The following TAMM41 variants were observed in gnomAD, a reference collection of about 807,000 sequenced individuals.
TAMM41 encodes the protein phosphatidate cytidylyltransferase, mitochondrial.
Under a neutral mutation model 44.1 loss-of-function variants are expected in TAMM41, and 36 were observed. The ratio of observed to expected loss-of-function variants is 0.82; its 90% CI spans 0.63 to 1.08. TAMM41 has a LOEUF of 1.08. Among genes scored for constraint, TAMM41 ranks in the 50% least tolerant of loss-of-function variants. The pLI is 0.00. For missense variants in TAMM41, 417 were observed against 404.3 expected (o/e 1.03, Z -0.27); for synonymous variants, 164 against 153.1 (o/e 1.07, Z -0.53).
the TAMM41 span, among the ~76,000 whole-genome samples, chr3:11,746,587 TGG>T: frequency 2.0e-5 from 3 of 150,626 alleles, no homozygotes; most frequent in African/African-American, 7.4e-5. Context: ...AACATTATGC[TGG>T]GGGAAAAAAA....
At chr3:11,804,512 C>T (rs1055077578) in intron 7 of TAMM41, among the ~76,000 whole-genome samples, 1 of 152,150 alleles carries the variant, frequency 6.6e-6, no homozygotes, top group Non-Finnish European at 1.5e-5. Context: ...TCCATAACAC[C>T]ACCATTGTCA....
At chr3:11,818,838 C>T (rs1173138264) in intron 4 of TAMM41, among the ~76,000 whole-genome samples, 1 of 147,732 alleles carries the variant, frequency 6.8e-6, no homozygotes, top group Non-Finnish European at 1.5e-5. Flanking sequence ...GCAGAGCTTG[C>T]AGTGAGCCGA....
the TAMM41 span, among the ~76,000 whole-genome samples, chr3:11,722,697 G>A: frequency 3.9e-5 from 6 of 152,136 alleles, no homozygotes; most frequent in South Asian, 4.1e-4. Context: ...ATGGTCAGGC[G>A]TGGTGGCTCA....
At chr3:11,758,729 A>C in the TAMM41 span, among the ~76,000 whole-genome samples, 3 of 151,688 alleles carry the variant, frequency 2.0e-5, no homozygotes, top group Non-Finnish European at 4.4e-5. Flanking sequence ...GCTAGAGTGC[A>C]GTGGTACTAT....
the TAMM41 span, among the ~76,000 whole-genome samples, chr3:11,749,850 G>A: frequency 6.6e-6 from 1 of 151,848 alleles, no homozygotes. Context: ...CTGCATGCAT[G>A]TGTACTCATG....
chr3:11,792,447 C>A (rs1021024639), intron 7 of TAMM41, among the ~76,000 whole-genome samples: 5 of 152,166 alleles, frequency 3.3e-5, no homozygotes, highest in African/African-American at 1.2e-4. Context: ...CAGATTAAGT[C>A]TGAGTGTCTG....
the TAMM41 span, among the ~76,000 whole-genome samples, chr3:11,759,953 G>C: frequency 6.7e-6 from 1 of 148,282 alleles, no homozygotes; most frequent in African/African-American, 2.5e-5. Context: ...CAGCCTGGGG[G>C]ACAAGAATGA....
At chr3:11,724,646 C>T in the TAMM41 span, among the ~76,000 whole-genome samples, 1 of 151,464 alleles carries the variant, frequency 6.6e-6, no homozygotes, top group African/African-American at 2.4e-5. Flanking sequence ...GAACTCCTGA[C>T]CTCAAGTGAT....
At chr3:11,724,549 A>G in the TAMM41 span, among the ~76,000 whole-genome samples, 1 of 151,986 alleles carries the variant, frequency 6.6e-6, no homozygotes, top group Non-Finnish European at 1.5e-5. Flanking sequence ...CTGAGTAGCT[A>G]AGGTAGCAGG....
intron 4 of TAMM41, among the ~76,000 whole-genome samples, chr3:11,824,450 C>T (rs777005565): frequency 1.2e-4 from 18 of 151,250 alleles, no homozygotes; most frequent in South Asian, 2.1e-4. Flanking sequence ...AACCTTCGCC[C>T]GCCCGGCTAA....
chr3:11,746,765 G>T, the TAMM41 span, among the ~76,000 whole-genome samples: 1 of 151,910 alleles, frequency 6.6e-6, no homozygotes, highest in East Asian at 1.9e-4. Flanking sequence ...CTCCCGAGTA[G>T]CCGGGACTAC....
the TAMM41 span, among the ~76,000 whole-genome samples, chr3:11,725,997 C>T: frequency 2.9e-4 from 44 of 152,282 alleles, no homozygotes; most frequent in South Asian, 6.2e-4. Context: ...TTCCCTTCCA[C>T]GCCAATTGCC....
At chr3:11,770,947 C>G in the TAMM41 span, among the ~76,000 whole-genome samples, 4,891 of 152,208 alleles carry the variant, frequency 0.032, 96 homozygotes, top group South Asian at 0.054. Context: ...TACATGTACC[C>G]CCTTCACTCC....
At chr3:11,807,481 G>A (rs1559278685) in intron 7 of TAMM41, 2 of 1,536,060 alleles carry the variant, frequency 1.3e-6, no homozygotes, top group African/African-American at 2.7e-5. Context: ...TTGTCTCAGA[G>A]AAGGGGAAGA....
intron 7 of TAMM41, among the ~76,000 whole-genome samples, chr3:11,803,608 CA>C (rs927317960): frequency 2.6e-5 from 4 of 151,438 alleles, no homozygotes; most frequent in South Asian, 4.2e-4. Flanking sequence ...AAAACAAAAA[CA>C]AAAAAAACCA....
At chr3:11,784,969 A>G in the TAMM41 span, among the ~76,000 whole-genome samples, 1 of 151,908 alleles carries the variant, frequency 6.6e-6, no homozygotes, top group African/African-American at 2.4e-5. Flanking sequence ...CCCCTGGCTA[A>G]TTTGAGAGCA....
chr3:11,815,438 T>C (rs867768397), intron 5 of TAMM41, among the ~76,000 whole-genome samples: 2 of 152,172 alleles, frequency 1.3e-5, no homozygotes, highest in African/African-American at 4.8e-5. Context: ...TTTACGGATC[T>C]GTCAAGAGTT....
chr3:11,822,898 G>A (rs1217740322), intron 4 of TAMM41, among the ~76,000 whole-genome samples: 1 of 152,180 alleles, frequency 6.6e-6, no homozygotes, highest in African/African-American at 2.4e-5. Flanking sequence ...AGATATATAG[G>A]AGTAGAACTG....
chr3:11,732,794 G>A, the TAMM41 span, among the ~76,000 whole-genome samples: 1 of 152,026 alleles, frequency 6.6e-6, no homozygotes, highest in African/African-American at 2.4e-5. Flanking sequence ...AAGACTCTGG[G>A]ACAGGAACAC....
Sources: allele counts gnomAD v4.1 joint callset (sites outside exome capture counted in the v4.1 genomes callset), GRCh38; gene constraint gnomAD v4.1.1; transcripts MANE v1.5; gene names NCBI Gene and HGNC (gene_info 2026-07-23, HGNC 2026-07-21).